The following APOLD1 variants were observed in gnomAD, a reference collection of about 807,000 sequenced individuals.
The protein encoded by APOLD1 is apolipoprotein L domain-containing protein 1.
APOLD1 carries 22 observed loss-of-function variants against 15.3 expected under a neutral mutation model. The observed-to-expected ratio is 1.44, with a 90% CI of 1.03 to 2.05. APOLD1 has a LOEUF of 2.05. Ranked by LOEUF, APOLD1 falls within the 30% of genes most tolerant of loss-of-function variation. APOLD1 has a pLI of 0.00. For synonymous variants in APOLD1, 190 were observed against 167.4 expected (o/e 1.13, Z -1.04); for missense variants, 394 against 353.5 (o/e 1.11, Z -0.92).
intron 1 of APOLD1, among the ~76,000 whole-genome samples, chr12:12,746,509 A>AG: frequency 6.6e-6 from 1 of 151,290 alleles, no homozygotes; most frequent in Non-Finnish European, 1.5e-5. Context: ...ATAAATAAAT[A>AG]AATAAATACA....
intron 1 of APOLD1, among the ~76,000 whole-genome samples, chr12:12,734,784 G>A (rs909592025): frequency 1.3e-5 from 2 of 152,188 alleles, no homozygotes; most frequent in East Asian, 1.9e-4. Flanking sequence ...GCTTAGTAGT[G>A]CCAGATATTG....
At position 12,747,074 on chromosome 12, in the gene APOLD1, G is replaced by A. The variant is rs545751839; in HGVS notation, c.96+20978G>A. ...ATCATGGAACCAGGTAGCGACTTCC[G>A]CCTTACTTTTTAAGTTATTTAATTA... On this transcript the variant is annotated intron_variant, in intron 1 of 1. Transcript: ENST00000326765. 8.3e-4 allele frequency among the ~76,000 whole-genome samples: 127 copies of A among 152,158 alleles called. 1 individual carries two copies. The highest frequency in any genetic ancestry group is 2.6e-3 in the African/African-American group (109 of 41,480).
At chr12:12,733,402 A>G (rs1946658794) in intron 1 of APOLD1, among the ~76,000 whole-genome samples, 3 of 152,182 alleles carry the variant, frequency 2.0e-5, no homozygotes, top group African/African-American at 4.8e-5. Flanking sequence ...AACAGTATCT[A>G]TGGTATGAAT....
intron 1 of APOLD1, among the ~76,000 whole-genome samples, chr12:12,752,331 A>G (rs1283413097): frequency 6.6e-6 from 1 of 152,200 alleles, no homozygotes; most frequent in Non-Finnish European, 1.5e-5. Context: ...GATGCTACCC[A>G]TATGATGAGA....
exon 1 of APOLD1, chr12:12,726,086 G>C (rs1946589520): frequency 6.7e-7 from 1 of 1,494,368 alleles, no homozygotes; most frequent in African/African-American, 1.5e-5. Flanking sequence ...ACCTTCCCCT[G>C]CCTTGGAAAG....
intron 1 of APOLD1, among the ~76,000 whole-genome samples, chr12:12,733,272 C>T (rs954375594): frequency 5.9e-5 from 9 of 151,560 alleles, no homozygotes; most frequent in Non-Finnish European, 1.2e-4. Flanking sequence ...CTGCAGTGAG[C>T]TGTGATCACG....
At chr12:12,750,075 A>G (rs946884752) in intron 1 of APOLD1, among the ~76,000 whole-genome samples, 2 of 152,194 alleles carry the variant, frequency 1.3e-5, no homozygotes, top group African/African-American at 4.8e-5. Flanking sequence ...AAGCATAATA[A>G]GAAATTGGGA....
chr12:12,752,432 A>G (rs1161846322), intron 1 of APOLD1, among the ~76,000 whole-genome samples: 3 of 152,162 alleles, frequency 2.0e-5, no homozygotes, highest in Non-Finnish European at 4.4e-5. Context: ...ATGTTAAGCT[A>G]TATTCTCCTG....
intron 1 of APOLD1, among the ~76,000 whole-genome samples, chr12:12,728,028 C>T (rs1253326956): frequency 2.0e-5 from 3 of 151,906 alleles, no homozygotes; most frequent in Non-Finnish European, 4.4e-5. Flanking sequence ...GTGCAGTGGG[C>T]ATGAGCATGG....
At chr12:12,769,599 G>A (rs927379573) in intron 1 of APOLD1, among the ~76,000 whole-genome samples, 1 of 152,168 alleles carries the variant, frequency 6.6e-6, no homozygotes, top group Non-Finnish European at 1.5e-5. Flanking sequence ...TCCAACAAGG[G>A]GAGAGGAAAA....
At chr12:12,728,220 G>C (rs1255042771) in intron 1 of APOLD1, among the ~76,000 whole-genome samples, 1 of 152,104 alleles carries the variant, frequency 6.6e-6, no homozygotes, top group East Asian at 1.9e-4. Flanking sequence ...TCACACCTTG[G>C]CCTCCCAAAG....
At chr12:12,768,148 C>CA (rs911089055) in intron 1 of APOLD1, among the ~76,000 whole-genome samples, 1 of 151,992 alleles carries the variant, frequency 6.6e-6, no homozygotes, top group Non-Finnish European at 1.5e-5. Flanking sequence ...GGGGAGTCCT[C>CA]AAACCAAACT....
rs754052532 is a variant in APOLD1 at position 12,787,300 on chromosome 12, G to C, written c.395G>C (p.Arg132Pro). 4.3e-6 allele frequency: 7 copies of C among 1,611,102 alleles called. No individual in the cohort carries two copies. Among genetic ancestry groups the C allele is most frequent in the Non-Finnish European group, 5.9e-6 (7 of 1,179,052 alleles). The part of the protein sequence containing the change: ...EIAATCQDQM[R>P]EILSCLEFFC... ...GCGGCCACCTGCCAGGACCAGATGCGAGAGATCCTGAGCTGCCTCGAGTTT... is the reference window on the plus strand; with the variant it reads ...GCGGCCACCTGCCAGGACCAGATGCCAGAGATCCTGAGCTGCCTCGAGTTT... The change falls in exon 2 of 2, where the codon CGA becomes CCA. Residue 132 changes from arginine to proline, a missense_variant. Arg to Pro is a moderately radical substitution (Grantham distance 103). Transcript: ENST00000356591. This position sits in a 1 kb window ranked among gnomAD's most constrained non-coding sequence, Gnocchi z 4.9.
chr12:12,751,030 C>T (rs1052326605), intron 1 of APOLD1, among the ~76,000 whole-genome samples: 1 of 151,774 alleles, frequency 6.6e-6, no homozygotes, highest in Non-Finnish European at 1.5e-5. Flanking sequence ...CTCAAGCAAT[C>T]CACTTGCCTT....
Position 12,776,026 on chromosome 12 carries a change from A to AAAC in APOLD1, c.97-10883_97-10882insAAC, listed in dbSNP as rs1947031202. ...CTCAAAAAAAAAAAAAAAAAAAAAA[A>AAAC]CACAACAAACAAACAAAACTAAATT... is the stretch of plus-strand genomic sequence containing the variant. On this transcript the variant is annotated intron_variant, in intron 1 of 1. Transcript: ENST00000326765. Among the ~76,000 whole-genome samples the AAAC allele has an allele frequency of 6.2e-5, 9 of 145,804 alleles. No homozygotes were observed. In the South Asian group the frequency reaches 1.7e-3, roughly 28 times the overall value.
chr12:12,747,229 G>A (rs922929746), intron 1 of APOLD1, among the ~76,000 whole-genome samples: 1 of 151,892 alleles, frequency 6.6e-6, no homozygotes, highest in Non-Finnish European at 1.5e-5. Flanking sequence ...CTCCCACATC[G>A]GCCTCCTAAA....
chr12:12,786,883 C>A, intron 1 of APOLD1, 26 bp from the exon 2 acceptor site: 1 of 1,406,594 alleles, frequency 7.1e-7, no homozygotes, highest in African/African-American at 1.5e-5. Flanking sequence ...AGACTCCAGG[C>A]TGACCGCGTG....
intron 1 of APOLD1, among the ~76,000 whole-genome samples, chr12:12,766,547 T>C (rs865866148): frequency 6.6e-6 from 1 of 152,118 alleles, no homozygotes; most frequent in African/African-American, 2.4e-5. Context: ...AAAACACTGA[T>C]ATAAAATCAG....
intron 1 of APOLD1, among the ~76,000 whole-genome samples, chr12:12,752,546 T>A (rs1447924400): frequency 6.6e-6 from 1 of 152,172 alleles, no homozygotes; most frequent in Non-Finnish European, 1.5e-5. Context: ...ACTTTGAGGA[T>A]AATGGATTGA....
Sources: allele counts gnomAD v4.1 joint callset (sites outside exome capture counted in the v4.1 genomes callset), GRCh38; gene constraint gnomAD v4.1.1; non-coding constraint Gnocchi (gnomAD v3.1); transcripts MANE v1.5; gene names NCBI Gene and HGNC (gene_info 2026-07-23, HGNC 2026-07-21).